Variants in SCARA3 observed in about 807,000 individuals in gnomAD.
The protein encoded by SCARA3 is cellular stress response gene protein.
A neutral mutation model predicts 47.0 loss-of-function variants in SCARA3; 39 were observed. The observed-to-expected ratio is 0.83, with a 90% CI of 0.64 to 1.08. The LOEUF (loss-of-function observed/expected upper bound fraction) is 1.08. Among genes scored for constraint, SCARA3 ranks in the 50% least tolerant of loss-of-function variants. The pLI, the probability that SCARA3 is intolerant of heterozygous loss-of-function variation, is 0.00. For missense variants in SCARA3, 724 were observed against 792.3 expected, an observed-to-expected ratio of 0.91 and a Z score of 1.04; for synonymous variants, 356 against 334.1, an observed-to-expected ratio of 1.07 and a Z score of -0.71.
At position 27,671,667 on chromosome 8, in the gene SCARA3, CA is replaced by C; in HGVS notation, c.*317del. 1 of 1,088,132 alleles carries C rather than the reference CA, an allele frequency of 9.2e-7. No homozygotes were observed. The highest frequency in any genetic ancestry group is 3.9e-4 in the Middle Eastern group (1 of 2,572). The allele number at this position is 1,088,132 out of a possible 1,614,324, so 67.4% of individuals were successfully genotyped here. A position where few individuals can be genotyped will look rare whatever the true frequency, so the allele number is the denominator to read the frequency against. On this transcript the variant is annotated 3_prime_UTR_variant, in exon 6 of 6. Transcript: ENST00000301904. ...GCACACACACATGCACGCACACACA[CA>C]TGCACACATACACGTGCACACATAC...
At position 27,658,932 on chromosome 8, in the gene SCARA3, C is replaced by T. The variant is rs370715789; in HGVS notation, c.762C>T (p.Asp254=). 8.1e-6 allele frequency: 13 copies of T among 1,614,196 alleles called. No homozygotes were observed. The African/African-American group carries it at 1.7e-4, about 22-fold the overall frequency. ...TGACCCTCCAGAAGATTGTCACCGA[C>T]TGGCAGAACTACACACGGCTCTTCA... ...ETLTLQKIVT[D]WQNYTRLFSG... is the part of the protein sequence containing the mutation. Residue 254 remains aspartate, a synonymous_variant, in exon 5 of 6, where the codon GAC becomes GAT. Transcript: ENST00000301904.
chr8:27,667,867 C>G (rs1251545226), intron 5 of SCARA3, among the ~76,000 whole-genome samples: 1 of 152,144 alleles, frequency 6.6e-6, no homozygotes, highest in East Asian at 1.9e-4. Flanking sequence ...ACGCGGAGAC[C>G]CACAAGATGT....
Position 27,671,919 on chromosome 8 carries a change from T to A in SCARA3, c.*568T>A. ...AGAGGAAGACCCCCTCTCCTGTGAC[T>A]GAGCCTGCCAGGGAGGCAGCTACCT... On this transcript the variant is annotated 3_prime_UTR_variant, in exon 6 of 6. Transcript: ENST00000301904. 1.0e-6 allele frequency: 1 copy of A among 985,428 alleles called. No individual in the cohort carries two copies. Among genetic ancestry groups the A allele is most frequent in the Non-Finnish European group, 1.2e-6 (1 of 829,926 alleles). The allele number at this position is 985,428 out of a possible 1,614,324, so 61.0% of individuals were successfully genotyped here. A position where few individuals can be genotyped will look rare whatever the true frequency, so the allele number is the denominator to read the frequency against.
At chr8:27,651,466 G>A in intron 2 of SCARA3, 42 bp from the exon 3 acceptor site, 1 of 1,600,326 alleles carries the variant, frequency 6.2e-7, no homozygotes, top group Admixed American at 1.7e-5. Context: ...CTCCAACCTG[G>A]GCCCCTGGCC....
At chr8:27,685,409 C>T in the SCARA3 span, among the ~76,000 whole-genome samples, 8 of 152,186 alleles carry the variant, frequency 5.3e-5, no homozygotes, top group Non-Finnish European at 1.2e-4. Context: ...CCAACACAAA[C>T]TCTTCCTGAG....
At chr8:27,651,741 G>A in intron 3 of SCARA3, 114 bp downstream of exon 3, 1 of 1,389,294 alleles carries the variant, frequency 7.2e-7, no homozygotes. Context: ...AGGGCCCAGA[G>A]CCAGCATCTT....
At chr8:27,646,608 C>T (rs1462009568) in intron 1 of SCARA3, among the ~76,000 whole-genome samples, 1 of 152,152 alleles carries the variant, frequency 6.6e-6, no homozygotes, top group Non-Finnish European at 1.5e-5. Context: ...GGAAGGAATA[C>T]CTCCCCACGG....
At position 27,659,229 on chromosome 8, in the gene SCARA3, C is replaced by G. The variant is rs373760285; in HGVS notation, c.1059C>G (p.His353Gln). 3 of 1,614,062 alleles carry G rather than the reference C, an allele frequency of 1.9e-6. No homozygotes were observed. The highest frequency in any genetic ancestry group is 1.7e-5 in the Admixed American group (1 of 60,008). The change falls in exon 5 of 6, where the codon CAC (histidine) becomes CAG (glutamine). Residue 353 changes from histidine to glutamine, a missense_variant. By Grantham distance (24) the His-to-Gln change is conservative (BLOSUM62 0). Coordinates refer to ENST00000301904, the MANE Select transcript of SCARA3 (RefSeq NM_016240.3). ...FESLEGRMASHEIEIGTIFTN... is the reference protein window; with the variant it reads ...FESLEGRMASQEIEIGTIFTN... ...CTCTGGAAGGACGCATGGCTTCTCA[C>G]GAGATTGAAATTGGCACCATCTTCA... is the stretch of plus-strand genomic sequence containing the variant.
the SCARA3 span, among the ~76,000 whole-genome samples, chr8:27,690,502 C>T: frequency 6.6e-6 from 1 of 152,100 alleles, no homozygotes; most frequent in African/African-American, 2.4e-5. Context: ...ACCTAAATTT[C>T]CATTAACAGG....
the SCARA3 span, among the ~76,000 whole-genome samples, chr8:27,691,209 G>A: frequency 6.6e-6 from 1 of 151,770 alleles, no homozygotes; most frequent in African/African-American, 2.4e-5. Flanking sequence ...CCAAAGCAAG[G>A]AGTATTTACA....
At chr8:27,662,957 G>A (rs564026110) in intron 5 of SCARA3, among the ~76,000 whole-genome samples, 1 of 152,352 alleles carries the variant, frequency 6.6e-6, no homozygotes, top group East Asian at 1.9e-4. Flanking sequence ...CTTTGGTGAG[G>A]ATTCACATAG....
chr8:27,689,713 G>A, the SCARA3 span, among the ~76,000 whole-genome samples: 1 of 152,184 alleles, frequency 6.6e-6, no homozygotes, highest in East Asian at 1.9e-4. Flanking sequence ...AGTGGGATGG[G>A]AGGCCCGGTG....
At chr8:27,723,789 G>A in the SCARA3 span, among the ~76,000 whole-genome samples, 1 of 152,218 alleles carries the variant, frequency 6.6e-6, no homozygotes, top group African/African-American at 2.4e-5. Flanking sequence ...AGGCTGGAGT[G>A]CAACGGTGCG....
chr8:27,730,188 G>T, the SCARA3 span, among the ~76,000 whole-genome samples: 2 of 152,208 alleles, frequency 1.3e-5, no homozygotes, highest in Admixed American at 6.5e-5. Flanking sequence ...TTGGATCAGA[G>T]GAGCTTATTA....
chr8:27,714,637 T>C, the SCARA3 span, among the ~76,000 whole-genome samples: 1 of 152,158 alleles, frequency 6.6e-6, no homozygotes, highest in Non-Finnish European at 1.5e-5. Context: ...CCCATCTATA[T>C]TTATATTTAT....
chr8:27,713,344 A>G, the SCARA3 span, among the ~76,000 whole-genome samples: 1 of 152,260 alleles, frequency 6.6e-6, no homozygotes, highest in Non-Finnish European at 1.5e-5. Flanking sequence ...TTATTAGGTG[A>G]CACACAAGTT....
chr8:27,642,052 TA>T (rs1359659381), intron 1 of SCARA3, among the ~76,000 whole-genome samples: 4 of 152,248 alleles, frequency 2.6e-5, no homozygotes, highest in Non-Finnish European at 4.4e-5. Flanking sequence ...ATGGGCTTAT[TA>T]TTTTTTTTGG....
chr8:27,733,685 T>C, the SCARA3 span: 8 of 152,330 alleles, frequency 5.3e-5, no homozygotes, highest in South Asian at 2.1e-4. Context: ...AATATGATCA[T>C]TTTGAATATG....
At chr8:27,707,350 T>C in the SCARA3 span, among the ~76,000 whole-genome samples, 1 of 152,202 alleles carries the variant, frequency 6.6e-6, no homozygotes, top group African/African-American at 2.4e-5. Context: ...ACTTTTGTAG[T>C]TTCTCATTCT....
Sources: gnomAD v4.1 joint callset for allele counts (sites outside exome capture counted in the v4.1 genomes callset) on GRCh38, gnomAD v4.1.1 for gene constraint, MANE v1.5 for transcripts, NCBI Gene and HGNC (gene_info 2026-07-23, HGNC 2026-07-21) for gene names.